EMCN: variants seen among roughly 807,000 people sequenced by gnomAD.
The protein encoded by EMCN is MUC-14.
EMCN carries 37 observed loss-of-function variants against 38.4 expected under a neutral mutation model. That is an observed-to-expected ratio of 0.96 (90% CI 0.74 to 1.27). The LOEUF (loss-of-function observed/expected upper bound fraction) is 1.27. EMCN is among the 50% of genes most tolerant of loss of function. The probability of loss-of-function intolerance (pLI) is 0.00; values close to 1 mark genes in which losing one functional copy is unlikely to be tolerated. For missense variants in EMCN, 318 were observed against 302.8 expected (o/e 1.05, Z -0.37); for synonymous variants, 95 against 100.8 (o/e 0.94, Z 0.35).
At chr4:100,417,708 C>G (rs1403177411) in intron 8 of EMCN, among the ~76,000 whole-genome samples, 2 of 152,138 alleles carry the variant, frequency 1.3e-5, no homozygotes, top group African/African-American at 4.8e-5. Context: ...TTCTCTTTGC[C>G]AGGCTGCTTC....
intron 3 of EMCN, 21 bp from the exon 4 acceptor site, chr4:100,465,560 C>T: frequency 7.4e-7 from 1 of 1,352,554 alleles, no homozygotes; most frequent in Non-Finnish European, 1.0e-6. Flanking sequence ...AATGAACAGT[C>T]ATCAGGAGTA....
At chr4:100,417,751 G>T (rs1302872298) in intron 8 of EMCN, among the ~76,000 whole-genome samples, 1 of 152,168 alleles carries the variant, frequency 6.6e-6, no homozygotes, top group Non-Finnish European at 1.5e-5. Context: ...CTGGGGTTTA[G>T]AGTGAGAACT....
chr4:100,508,187 C>G (rs973303780), intron 1 of EMCN, among the ~76,000 whole-genome samples: 3 of 151,992 alleles, frequency 2.0e-5, no homozygotes, highest in African/African-American at 7.3e-5. Context: ...AAAATTAAAG[C>G]CTTGAGAGGT....
chr4:100,487,500 G>A (rs562449646), intron 1 of EMCN, among the ~76,000 whole-genome samples: 12 of 152,220 alleles, frequency 7.9e-5, no homozygotes, highest in South Asian at 4.1e-4. Flanking sequence ...TTAAATCTTC[G>A]GCTTTTGATA....
At chr4:100,434,782 T>C (rs1485894063) in intron 5 of EMCN, among the ~76,000 whole-genome samples, 1 of 152,142 alleles carries the variant, frequency 6.6e-6, no homozygotes, top group South Asian at 2.1e-4. Context: ...AACCACACGA[T>C]TGTCTCAATA....
intron 1 of EMCN, among the ~76,000 whole-genome samples, chr4:100,499,192 C>G (rs967719873): frequency 6.6e-6 from 1 of 151,982 alleles, no homozygotes; most frequent in Non-Finnish European, 1.5e-5. Flanking sequence ...AGCATTTAAT[C>G]CCATTTATAT....
chr4:100,419,217 A>G (rs1726821898), intron 8 of EMCN, among the ~76,000 whole-genome samples: 1 of 152,044 alleles, frequency 6.6e-6, no homozygotes, highest in Admixed American at 6.6e-5. Flanking sequence ...GATAAGCTTC[A>G]TTTCTTACGG....
At chr4:100,505,882 T>G (rs1729468084) in intron 1 of EMCN, among the ~76,000 whole-genome samples, 1 of 152,136 alleles carries the variant, frequency 6.6e-6, no homozygotes, top group Non-Finnish European at 1.5e-5. Context: ...AATTTTGGAT[T>G]ATGTATTCTA....
chr4:100,462,867 A>G (rs1052636508), intron 4 of EMCN, among the ~76,000 whole-genome samples: 3 of 152,150 alleles, frequency 2.0e-5, no homozygotes, highest in Admixed American at 6.6e-5. Flanking sequence ...GATGATTACA[A>G]TAAAAAAGAG....
intron 4 of EMCN, among the ~76,000 whole-genome samples, chr4:100,451,610 A>G (rs1727842184): frequency 6.6e-6 from 1 of 151,970 alleles, no homozygotes; most frequent in Non-Finnish European, 1.5e-5. Context: ...CCTTAGATTT[A>G]GATACTTTGT....
chr4:100,442,509 T>C lies in EMCN; in HGVS notation c.415+5024A>G, dbSNP rs147657925. Among the ~76,000 whole-genome samples the C allele has an allele frequency of 2.9e-3, 435 of 152,310 alleles. 6 individuals carry two copies. The highest frequency in any genetic ancestry group is 0.024 in the Admixed American group (367 of 15,300). Reference sequence around the variant, plus strand: ...TCTCTTTCTTTGTCTCTTTTTCTTTTGTAGAATGTGCTTGCTTAATGGTGT... The same window carrying C: ...TCTCTTTCTTTGTCTCTTTTTCTTTCGTAGAATGTGCTTGCTTAATGGTGT... On this transcript the variant is annotated intron_variant, in intron 5 of 11. Transcript: ENST00000296420.
At chr4:100,440,303 T>C (rs1186671816) in intron 5 of EMCN, among the ~76,000 whole-genome samples, 7 of 152,152 alleles carry the variant, frequency 4.6e-5, no homozygotes, top group Admixed American at 3.3e-4. Flanking sequence ...ATGAATTATA[T>C]AGTGGTGAAT....
chr4:100,479,038 T>C (rs1204366331), intron 2 of EMCN, among the ~76,000 whole-genome samples: 2 of 152,172 alleles, frequency 1.3e-5, no homozygotes, highest in South Asian at 4.1e-4. Flanking sequence ...CATAGTACTC[T>C]TTGTCTCTGA....
intron 7 of EMCN, among the ~76,000 whole-genome samples, chr4:100,422,709 C>G (rs1483259726): frequency 6.6e-6 from 1 of 151,752 alleles, no homozygotes; most frequent in Non-Finnish European, 1.5e-5. Context: ...GAAACTAGTC[C>G]CATCGAGTCA....
At chr4:100,478,957 A>G (rs1393735283) in intron 2 of EMCN, among the ~76,000 whole-genome samples, 1 of 152,088 alleles carries the variant, frequency 6.6e-6, no homozygotes, top group Non-Finnish European at 1.5e-5. Flanking sequence ...GAGGGCCCCA[A>G]GTAGTAAAGT....
chr4:100,432,470 A>G (rs1341236030), intron 5 of EMCN, among the ~76,000 whole-genome samples: 1 of 152,174 alleles, frequency 6.6e-6, no homozygotes, highest in African/African-American at 2.4e-5. Flanking sequence ...GGCAGGTTCC[A>G]TGTATCATTC....
Position 100,395,991 on chromosome 4 carries a change from A to G in EMCN, c.*2422T>C, listed in dbSNP as rs1726108962. The G allele has an allele frequency of 6.6e-6, 1 of 152,180 alleles. No individual in the cohort carries two copies. Among genetic ancestry groups the G allele is most frequent in the Admixed American group, 6.6e-5 (1 of 15,266 alleles). The allele number at this position is 152,180 out of a possible 1,614,324, so 9.4% of individuals were successfully genotyped here. A position where few individuals can be genotyped will look rare whatever the true frequency, so the allele number is the denominator to read the frequency against. Reference sequence around the variant, plus strand: ...TAAATACAGGCACTTCTTTGTTGCAATGATGTTTGAACTGTGTATCAGAAT... The same window carrying G: ...TAAATACAGGCACTTCTTTGTTGCAGTGATGTTTGAACTGTGTATCAGAAT... On this transcript the variant is annotated 3_prime_UTR_variant, in exon 12 of 12. Coordinates refer to ENST00000296420, the MANE Select transcript of EMCN (RefSeq NM_016242.4).
At chr4:100,465,867 TTATAA>T (rs1006635524) in intron 3 of EMCN, among the ~76,000 whole-genome samples, 1 of 152,076 alleles carries the variant, frequency 6.6e-6, no homozygotes, top group African/African-American at 2.4e-5. Context: ...GTCACATAAC[TTATAA>T]TAGGAGAGAA....
chr4:100,474,992 G>T, intron 3 of EMCN, 46 bp downstream of exon 3: 1 of 1,061,660 alleles, frequency 9.4e-7, no homozygotes, highest in Non-Finnish European at 1.4e-6. Context: ...TATGTTATGT[G>T]AATTATATAT....
Sources: gnomAD v4.1 joint callset for allele counts (sites outside exome capture counted in the v4.1 genomes callset) on GRCh38, gnomAD v4.1.1 for gene constraint, MANE v1.5 for transcripts, NCBI Gene and HGNC (gene_info 2026-07-23, HGNC 2026-07-21) for gene names.